Variants in ZNF334 observed in about 807,000 individuals in gnomAD.
ZNF334 encodes the protein zinc finger protein 334.
Under a neutral mutation model 12.4 loss-of-function variants are expected in ZNF334, and 14 were observed. The ratio of observed to expected loss-of-function variants is 1.13; its 90% confidence interval spans 0.74 to 1.76. The LOEUF is 1.76. ZNF334 is among the 40% of genes most tolerant of loss of function. The pLI is 0.00. For synonymous variants in ZNF334, 273 were observed against 269.6 expected (o/e 1.01, Z -0.12); for missense variants, 797 against 804.5 (o/e 0.99, Z 0.11).
At chr20:46,492,383 C>G in the ZNF334 span, 1 of 153,034 alleles carries the variant, frequency 6.5e-6, no homozygotes, top group South Asian at 2.1e-4. Flanking sequence ...TATAGGGAGG[C>G]CCTTTACATG....
chr20:46,478,765 C>T, the ZNF334 span, among the ~76,000 whole-genome samples: 1 of 152,130 alleles, frequency 6.6e-6, no homozygotes, highest in African/African-American at 2.4e-5. Context: ...AATGAAGGAG[C>T]AAGGGAATAT....
chr20:46,501,162 G>T lies in ZNF334; in HGVS notation c.*134C>A. 1 of 1,061,814 alleles carries T rather than the reference G, an allele frequency of 9.4e-7. No homozygotes were observed. Among genetic ancestry groups the T allele is most frequent in the Non-Finnish European group, 1.3e-6 (1 of 746,344 alleles). The allele number at this position is 1,061,814 out of a possible 1,614,324, so 65.8% of individuals were successfully genotyped here. A position where few individuals can be genotyped will look rare whatever the true frequency, so the allele number is the denominator to read the frequency against. On this transcript the variant is annotated 3_prime_UTR_variant, in exon 5 of 5. Coordinates refer to ENST00000692313, the MANE Select transcript of ZNF334 (RefSeq NM_001353824.2). ...TGATTTCTCTGATGTTACATTGAGG[G>T]TTGACTTATGGCAGAAAAATTTTCC...
the ZNF334 span, among the ~76,000 whole-genome samples, chr20:46,486,884 A>C: frequency 6.6e-6 from 1 of 152,174 alleles, no homozygotes; most frequent in Non-Finnish European, 1.5e-5. Flanking sequence ...CCCTAATAGT[A>C]AGATGAAGCT....
chr20:46,462,969 G>A, the ZNF334 span, among the ~76,000 whole-genome samples: 47 of 152,220 alleles, frequency 3.1e-4, no homozygotes, highest in African/African-American at 9.4e-4. Context: ...TGGTAGGGCC[G>A]GGCACGGTGG....
chr20:46,464,750 C>G, the ZNF334 span: 1 of 495,946 alleles, frequency 2.0e-6, no homozygotes, highest in Non-Finnish European at 4.1e-6. Flanking sequence ...CAGAAAGGGG[C>G]AGTGTACGCT....
At chr20:46,492,365 AC>A in the ZNF334 span, 2 of 153,068 alleles carry the variant, frequency 1.3e-5, no homozygotes, top group South Asian at 4.2e-4. Flanking sequence ...ACATCAGAAA[AC>A]CCATTCTATA....
chr20:46,509,662 C>T (rs767547444), intron 2 of ZNF334: 106 of 702,872 alleles, frequency 1.5e-4, no homozygotes, highest in Non-Finnish European at 2.3e-4. Flanking sequence ...AGTTAACTTG[C>T]GCACACTTCC....
chr20:46,502,736 G>A lies in ZNF334; in HGVS notation c.603C>T (p.Asn201=). 1 of 1,613,774 alleles carries A rather than the reference G, an allele frequency of 6.2e-7. No individual in the cohort carries two copies. The highest frequency in any genetic ancestry group is 8.5e-7 in the Non-Finnish European group (1 of 1,179,994). ...NQNENLILHQ[N]IQILKQPFDY... is the part of the protein sequence containing the mutation. ...CAAACGGTTGTTTCAAAATCTGAAT[G>A]TTCTGGTGCAGAATAAGATTTTCGT... Residue 201 remains asparagine (N), a synonymous_variant, in exon 5 of 5, where the codon AAC becomes AAT. Coordinates refer to ENST00000692313, the MANE Select transcript of ZNF334 (RefSeq NM_001353824.2).
chr20:46,478,005 A>T, the ZNF334 span, among the ~76,000 whole-genome samples: 2 of 152,226 alleles, frequency 1.3e-5, no homozygotes, highest in South Asian at 2.1e-4. Context: ...TAGTCATTTG[A>T]TTGAGAAATT....
chr20:46,511,145 A>G (rs1253516510), intron 2 of ZNF334, among the ~76,000 whole-genome samples: 1 of 151,970 alleles, frequency 6.6e-6, no homozygotes, highest in African/African-American at 2.4e-5. Flanking sequence ...TAATCAGTGC[A>G]CTTTGGGAGG....
chr20:46,480,325 C>T, the ZNF334 span, among the ~76,000 whole-genome samples: 73 of 152,256 alleles, frequency 4.8e-4, no homozygotes, highest in Middle Eastern at 3.4e-3. Flanking sequence ...CAACCCCTTT[C>T]TGGGACAAGC....
the ZNF334 span, among the ~76,000 whole-genome samples, chr20:46,485,321 A>G: frequency 1.3e-5 from 2 of 152,220 alleles, no homozygotes; most frequent in Non-Finnish European, 2.9e-5. Context: ...AAAGTTTGGA[A>G]TTTAAGTTAC....
chr20:46,503,955 T>G (rs773957591), intron 4 of ZNF334, among the ~76,000 whole-genome samples: 24 of 152,124 alleles, frequency 1.6e-4, no homozygotes, highest in Non-Finnish European at 2.8e-4. Context: ...GAAATAAAGT[T>G]TAAGGTGTGA....
rs1372616506 is a variant in ZNF334 at position 46,500,525 on chromosome 20, G to A, written c.*771C>T. The A allele has an allele frequency of 1.2e-4, 18 of 152,182 alleles. No individual in the cohort carries two copies. The highest frequency in any genetic ancestry group is 1.1e-3 in the Admixed American group (17 of 15,274). The allele number at this position is 152,182 out of a possible 1,614,324, so 9.4% of individuals were successfully genotyped here. A position where few individuals can be genotyped will look rare whatever the true frequency, so the allele number is the denominator to read the frequency against. ...TGGATATTACAGAATACTAAAACCA[G>A]AGAAATAAACACTTTTTGGATTCAA... On this transcript the variant is annotated 3_prime_UTR_variant, in exon 5 of 5. Coordinates refer to ENST00000692313, the MANE Select transcript of ZNF334 (RefSeq NM_001353824.2).
Position 46,502,482 on chromosome 20 carries a change from A to C in ZNF334, c.857T>G (p.Ile286Ser), listed in dbSNP as rs149794868. The change falls in exon 5 of 5, where the codon ATT (isoleucine) becomes AGT (serine). Residue 286 changes from isoleucine to serine, a missense_variant. Coordinates refer to ENST00000692313, the MANE Select transcript of ZNF334 (RefSeq NM_001353824.2). ...VKTSLTRHRR[I>S]HTGERPYECS... Reference sequence around the variant, plus strand: ...TTCATAGGGTCTCTCTCCAGTATGAATTCTTCGGTGTCGAGTGAGGCTTGT... The same window carrying C: ...TTCATAGGGTCTCTCTCCAGTATGACTTCTTCGGTGTCGAGTGAGGCTTGT... 1.9e-6 allele frequency: 3 copies of C among 1,613,716 alleles called. No individual in the cohort carries two copies. The highest frequency in any genetic ancestry group is 1.3e-5 in the African/African-American group (1 of 74,914).
the ZNF334 span, among the ~76,000 whole-genome samples, chr20:46,494,340 A>G: frequency 6.6e-6 from 1 of 152,156 alleles, no homozygotes. Flanking sequence ...TTTCTCAGAT[A>G]TGACAGGAGC....
downstream of ZNF334, among the ~76,000 whole-genome samples, chr20:46,496,444 C>T (rs1453429099): frequency 6.6e-6 from 1 of 152,178 alleles, no homozygotes; most frequent in Non-Finnish European, 1.5e-5. Flanking sequence ...TGAAGAGACT[C>T]TTTACAAAAG....
At chr20:46,509,467 A>G (rs936616300) in intron 2 of ZNF334, 4 of 668,428 alleles carry the variant, frequency 6.0e-6, no homozygotes, top group Non-Finnish European at 8.3e-6. Flanking sequence ...AGCCCCAAAG[A>G]GGGGCAAGTT....
rs974250368 is a variant in ZNF334, at chr20:46,511,989, C to G, written c.21+93G>C. 2.1e-5 allele frequency: 27 copies of G among 1,270,972 alleles called. No homozygotes were observed. In the African/African-American group the frequency reaches 3.7e-4, roughly 17 times the overall value. The allele number at this position is 1,270,972 out of a possible 1,614,324, so 78.7% of individuals were successfully genotyped here. A position where few individuals can be genotyped will look rare whatever the true frequency, so the allele number is the denominator to read the frequency against. On this transcript the variant is annotated intron_variant, in intron 2 of 4. Transcript: ENST00000692313. ...ATTGATCGAATACTCTTCTCTGATG[C>G]TGAATTTTATACATTTCGTTTCATC... is the stretch of plus-strand genomic sequence containing the variant.
Sources: gnomAD v4.1 joint callset for allele counts (sites outside exome capture counted in the v4.1 genomes callset) on GRCh38, gnomAD v4.1.1 for gene constraint, MANE v1.5 for transcripts, NCBI Gene and HGNC (gene_info 2026-07-23, HGNC 2026-07-21) for gene names.